The following NR3C1 variants were observed in gnomAD, a reference collection of about 807,000 sequenced individuals.
The protein encoded by NR3C1 is nuclear receptor subfamily 3 group C member 1, also known as glucocorticoid receptor.
A neutral mutation model predicts 74.0 loss-of-function variants in NR3C1; 14 were observed. The ratio of observed to expected loss-of-function variants is 0.19; its 90% CI spans 0.12 to 0.30. NR3C1 has a LOEUF of 0.30. Among genes scored for constraint, NR3C1 ranks in the 10% least tolerant of loss-of-function variants. The probability of loss-of-function intolerance (pLI) is 1.00; values close to 1 mark genes in which losing one functional copy is unlikely to be tolerated. For missense variants in NR3C1, 695 were observed against 909.8 expected (o/e 0.76, Z 3.04); for synonymous variants, 308 against 332.5 (o/e 0.93, Z 0.80).
intron 2 of NR3C1, among the ~76,000 whole-genome samples, chr5:143,345,606 C>T (rs1299439248): frequency 6.6e-6 from 1 of 152,166 alleles, no homozygotes; most frequent in Non-Finnish European, 1.5e-5. Flanking sequence ...AGCAAGCCTG[C>T]CCTAATTATT....
chr5:143,303,949 A>G (rs1032615976), intron 4 of NR3C1, among the ~76,000 whole-genome samples: 3 of 152,140 alleles, frequency 2.0e-5, no homozygotes, highest in Admixed American at 2.0e-4. Context: ...TGTATGACAA[A>G]CCAACAGCCA....
intron 2 of NR3C1, among the ~76,000 whole-genome samples, chr5:143,353,508 C>T (rs1272145302): frequency 6.6e-6 from 1 of 152,178 alleles, no homozygotes; most frequent in Non-Finnish European, 1.5e-5. Context: ...CTCCCTGATT[C>T]ATGGGCTACA....
At chr5:143,329,582 T>G (rs551875200) in intron 2 of NR3C1, among the ~76,000 whole-genome samples, 1 of 152,332 alleles carries the variant, frequency 6.6e-6, no homozygotes, top group South Asian at 2.1e-4. Flanking sequence ...CACATGCCAA[T>G]AGTAAAAGCT....
intron 2 of NR3C1, among the ~76,000 whole-genome samples, chr5:143,385,662 A>G (rs931432651): frequency 6.6e-6 from 1 of 152,252 alleles, no homozygotes; most frequent in Admixed American, 6.5e-5. Flanking sequence ...GCAAAGCAAA[A>G]GTGAACTTTG....
chr5:143,355,800 T>C (rs1329043904), intron 2 of NR3C1, among the ~76,000 whole-genome samples: 3 of 152,244 alleles, frequency 2.0e-5, no homozygotes, highest in African/African-American at 7.2e-5. Context: ...AAAGACCTTA[T>C]GAAATACTTA....
At chr5:143,352,722 T>C (rs1256326326) in intron 2 of NR3C1, among the ~76,000 whole-genome samples, 1 of 152,232 alleles carries the variant, frequency 6.6e-6, no homozygotes, top group African/African-American at 2.4e-5. Flanking sequence ...AAAATGTATT[T>C]ACCTTAATCT....
intron 6 of NR3C1, among the ~76,000 whole-genome samples, chr5:143,296,218 G>A (rs1332091805): frequency 2.6e-5 from 4 of 151,516 alleles, no homozygotes; most frequent in African/African-American, 9.7e-5. Context: ...CCTGACTTGT[G>A]AAATGACACT....
chr5:143,307,364 TAAG>T (rs1236347833), intron 4 of NR3C1, among the ~76,000 whole-genome samples: 2 of 152,080 alleles, frequency 1.3e-5, no homozygotes, highest in African/African-American at 4.8e-5. Context: ...TATTAAACTG[TAAG>T]AAGGAGGAAA....
intron 4 of NR3C1, among the ~76,000 whole-genome samples, chr5:143,308,724 G>T (rs1488855705): frequency 6.6e-6 from 1 of 152,068 alleles, no homozygotes; most frequent in Non-Finnish European, 1.5e-5. Flanking sequence ...CCTTCCTCTT[G>T]TTCCTGTGGC....
chr5:143,312,746 T>C (rs1821238430), intron 3 of NR3C1, among the ~76,000 whole-genome samples: 1 of 152,218 alleles, frequency 6.6e-6, no homozygotes, highest in Non-Finnish European at 1.5e-5. Flanking sequence ...CTGTCCGTAT[T>C]ATTATTATCA....
rs1400146789 is a variant in NR3C1, at chr5:143,403,648, C to CGAGCGAGCGG, written c.-461_-452dup. 5.1e-6 allele frequency: 5 copies of CGAGCGAGCGG among 985,260 alleles called. No individual in the cohort carries two copies. Among genetic ancestry groups the CGAGCGAGCGG allele is most frequent in the Non-Finnish European group, 6.0e-6 (5 of 829,862 alleles). The allele number at this position is 985,260 out of a possible 1,614,324, so 61.0% of individuals were successfully genotyped here. A position where few individuals can be genotyped will look rare whatever the true frequency, so the allele number is the denominator to read the frequency against. On this transcript the variant is annotated 5_prime_UTR_variant, in exon 1 of 9. Transcript: ENST00000394464. The stretch of plus-strand genomic sequence containing the variant: ...ACGCGAAAGGGCAGCCCGGCCTGGG[C>CGAGCGAGCGG]GAGCGAGCGGGACCGAGCGGGGAGC...
intron 2 of NR3C1, among the ~76,000 whole-genome samples, chr5:143,363,581 T>A (rs143331938): frequency 2.1e-4 from 31 of 149,308 alleles, no homozygotes; most frequent in South Asian, 2.1e-4. Flanking sequence ...TCCAAAAAAA[T>A]AAAAAAAAAA....
chr5:143,401,695 A>G (rs1281275769), intron 1 of NR3C1, among the ~76,000 whole-genome samples: 1 of 152,238 alleles, frequency 6.6e-6, no homozygotes, highest in East Asian at 1.9e-4. Flanking sequence ...ATTTGTTTAC[A>G]TTGCTTGAGA....
Position 143,281,810 on chromosome 5 carries a change from C to A in NR3C1, c.*79G>T. The stretch of plus-strand genomic sequence containing the variant: ...AATAAAAAATAAAACAACAAAACCT[C>A]TACAGGACAAACTGATAGTTTATAC... On this transcript the variant is annotated 3_prime_UTR_variant, in exon 9 of 9. Transcript: ENST00000394464. The A allele has an allele frequency of 7.0e-7, 1 of 1,423,858 alleles. No homozygotes were observed. Among genetic ancestry groups the A allele is most frequent in the Non-Finnish European group, 9.9e-7 (1 of 1,014,250 alleles). The allele number at this position is 1,423,858 out of a possible 1,614,324, so 88.2% of individuals were successfully genotyped here.
At chr5:143,288,276 G>A (rs189363776) in intron 7 of NR3C1, among the ~76,000 whole-genome samples, 2,765 of 151,790 alleles carry the variant, frequency 0.018, 52 homozygotes, top group Non-Finnish European at 0.029. Context: ...GTGCCACCAC[G>A]CCTGGCTAAT....
intron 2 of NR3C1, among the ~76,000 whole-genome samples, chr5:143,359,869 G>C (rs1477500492): frequency 1.3e-5 from 2 of 152,130 alleles, no homozygotes; most frequent in Non-Finnish European, 2.9e-5. Flanking sequence ...AGTGAGCTGA[G>C]ATCACCCTCC....
At position 143,279,651 on chromosome 5, in the gene NR3C1, A is replaced by T; in HGVS notation, c.*2238T>A. On this transcript the variant is annotated 3_prime_UTR_variant, in exon 9 of 9. Transcript: ENST00000394464. ...ATAACATTCAAAAAGCATTCAAAGA[A>T]AACAAAAACATGTCCTCATTTTATT... is the stretch of plus-strand genomic sequence containing the variant. 2.4e-6 allele frequency: 1 copy of T among 411,226 alleles called. No homozygotes were observed. The highest frequency in any genetic ancestry group is 4.2e-6 in the Non-Finnish European group (1 of 236,958). The allele number at this position is 411,226 out of a possible 1,614,324, so 25.5% of individuals were successfully genotyped here.
intron 2 of NR3C1, among the ~76,000 whole-genome samples, chr5:143,345,037 G>A (rs998057508): frequency 2.6e-5 from 4 of 152,110 alleles, no homozygotes; most frequent in South Asian, 2.1e-4. Flanking sequence ...TGTGTGATAC[G>A]GTAACTGGCA....
At chr5:143,337,666 C>T (rs938161356) in intron 2 of NR3C1, among the ~76,000 whole-genome samples, 5 of 152,214 alleles carry the variant, frequency 3.3e-5, no homozygotes, top group Middle Eastern at 3.4e-3. Flanking sequence ...TAAACGACAG[C>T]TGTACACTAC....
Sources: allele counts gnomAD v4.1 joint callset (sites outside exome capture counted in the v4.1 genomes callset), GRCh38; gene constraint gnomAD v4.1.1; transcripts MANE v1.5; gene names NCBI Gene and HGNC (gene_info 2026-07-23, HGNC 2026-07-21).